Variants in GRM8 observed in about 807,000 individuals in gnomAD.
The protein encoded by GRM8 is glutamate metabotropic receptor 8, also known as metabotropic glutamate receptor 8.
Under a neutral mutation model 87.2 loss-of-function variants are expected in GRM8, and 47 were observed. The observed-to-expected ratio is 0.54, with a 90% CI of 0.43 to 0.69. GRM8 has a LOEUF of 0.69. Ranked by LOEUF, GRM8 falls within the 30% of genes least tolerant of loss-of-function variation. The pLI is 0.00. For missense variants in GRM8, 1,019 were observed against 1,139.2 expected (o/e 0.89, Z 1.52); for synonymous variants, 396 against 404.5 (o/e 0.98, Z 0.25).
chr7:126,751,940 C>T (rs1816468677), intron 7 of GRM8, among the ~76,000 whole-genome samples: 2 of 152,088 alleles, frequency 1.3e-5, no homozygotes, highest in African/African-American at 4.8e-5. Flanking sequence ...ATCACTGGTC[C>T]TTTAGGGAAT....
At chr7:127,022,418 T>A (rs926973941) in intron 3 of GRM8, among the ~76,000 whole-genome samples, 3 of 152,064 alleles carry the variant, frequency 2.0e-5, no homozygotes, top group African/African-American at 7.2e-5. Flanking sequence ...ATTATTTTTT[T>A]AAATTTAATG....
chr7:127,136,300 T>G (rs1201518274), intron 2 of GRM8, among the ~76,000 whole-genome samples: 1 of 152,116 alleles, frequency 6.6e-6, no homozygotes, highest in Non-Finnish European at 1.5e-5. Context: ...ACACTGCGAA[T>G]AGTCTAACTC....
chr7:127,163,112 T>A (rs1186718321), intron 2 of GRM8, among the ~76,000 whole-genome samples: 2 of 152,124 alleles, frequency 1.3e-5, no homozygotes, highest in Non-Finnish European at 2.9e-5. Context: ...CTTGTATTGC[T>A]ATAAAGAGAT....
chr7:126,976,618 A>G (rs906814502), intron 3 of GRM8, among the ~76,000 whole-genome samples: 2 of 152,170 alleles, frequency 1.3e-5, no homozygotes, highest in African/African-American at 4.8e-5. Flanking sequence ...AACAAAAAAA[A>G]CGAAAATACA....
chr7:126,778,078 A>C (rs1819657038), intron 6 of GRM8, among the ~76,000 whole-genome samples: 2 of 152,332 alleles, frequency 1.3e-5, no homozygotes, highest in South Asian at 4.1e-4. Context: ...GGCTCTGTCA[A>C]GGACCTGTAG....
intron 9 of GRM8, among the ~76,000 whole-genome samples, chr7:126,507,458 C>G (rs943013474): frequency 2.0e-5 from 3 of 152,062 alleles, no homozygotes; most frequent in African/African-American, 7.2e-5. Context: ...ATATTGGCTA[C>G]AAATATATCA....
At chr7:127,135,922 C>T (rs1399998144) in intron 2 of GRM8, among the ~76,000 whole-genome samples, 1 of 152,020 alleles carries the variant, frequency 6.6e-6, no homozygotes, top group Non-Finnish European at 1.5e-5. Context: ...TTGCACAATG[C>T]TCTGGATATT....
At chr7:127,178,780 A>G (rs1212147974) in intron 2 of GRM8, among the ~76,000 whole-genome samples, 2 of 152,214 alleles carry the variant, frequency 1.3e-5, no homozygotes, top group African/African-American at 4.8e-5. Context: ...TTTTCAGACA[A>G]ACAAATGCTG....
At chr7:127,077,987 T>A (rs563459901) in intron 3 of GRM8, among the ~76,000 whole-genome samples, 1 of 152,308 alleles carries the variant, frequency 6.6e-6, no homozygotes, top group African/African-American at 2.4e-5. Flanking sequence ...CATCCTGCAA[T>A]GCACAGGACA....
chr7:127,185,507 TAAA>T, intron 2 of GRM8, among the ~76,000 whole-genome samples: 1 of 152,270 alleles, frequency 6.6e-6, no homozygotes, highest in Non-Finnish European at 1.5e-5. Context: ...TGCAAAAGTA[TAAA>T]ATTTCTAGAA....
intron 7 of GRM8, among the ~76,000 whole-genome samples, chr7:126,672,112 T>C (rs1049031424): frequency 7.2e-5 from 11 of 152,188 alleles, no homozygotes; most frequent in Non-Finnish European, 5.9e-5. Flanking sequence ...ATAAAGGCCA[T>C]GTTAATATCC....
In GRM8 at chr7:127,228,104, T is replaced by G. The variant is rs527359418; in HGVS notation, c.510+14591A>C. Among the ~76,000 whole-genome samples, 40 of 152,288 alleles carry G rather than the reference T, an allele frequency of 2.6e-4. 2 individuals carry two copies. The South Asian group carries it at 8.3e-3, about 32-fold the overall frequency. ...AGAAAGGAAACCATACAGAAATAAT[T>G]TGAAAACATACCATCTAAAAGGCAG... is the stretch of plus-strand genomic sequence containing the variant. On this transcript the variant is annotated intron_variant, in intron 2 of 10. Transcript: ENST00000339582.
At chr7:126,835,979 C>T (rs1795795873) in intron 6 of GRM8, among the ~76,000 whole-genome samples, 1 of 152,162 alleles carries the variant, frequency 6.6e-6, no homozygotes, top group Non-Finnish European at 1.5e-5. Context: ...AGAGAAAAAG[C>T]TGACAATCAG....
At chr7:127,182,214 T>C (rs538916709) in intron 2 of GRM8, among the ~76,000 whole-genome samples, 1 of 151,980 alleles carries the variant, frequency 6.6e-6, no homozygotes. Context: ...CAAAAAAAGA[T>C]ATACAAATGG....
chr7:126,602,811 G>A (rs1409773836), intron 8 of GRM8, among the ~76,000 whole-genome samples: 1 of 148,264 alleles, frequency 6.7e-6, no homozygotes, highest in African/African-American at 2.5e-5. Context: ...GAGGTACAAG[G>A]AGGAACTGGT....
At chr7:126,930,287 G>A (rs1251230165) in intron 3 of GRM8, among the ~76,000 whole-genome samples, 7 of 152,156 alleles carry the variant, frequency 4.6e-5, no homozygotes, top group African/African-American at 1.7e-4. Flanking sequence ...AATAGTAGTA[G>A]TACTGACCTC....
intron 1 of GRM8, among the ~76,000 whole-genome samples, chr7:127,246,211 T>C (rs1345857267): frequency 6.6e-6 from 1 of 152,258 alleles, no homozygotes; most frequent in African/African-American, 2.4e-5. Flanking sequence ...TTAGGTTTCA[T>C]TGTATAATCT....
At chr7:126,543,067 C>G (rs936098292) in intron 8 of GRM8, among the ~76,000 whole-genome samples, 21 of 152,300 alleles carry the variant, frequency 1.4e-4, no homozygotes, top group African/African-American at 4.6e-4. Flanking sequence ...AATAAACCAG[C>G]CTACATGGAC....
chr7:126,612,915 T>C (rs1422147749), intron 7 of GRM8, among the ~76,000 whole-genome samples: 1 of 152,246 alleles, frequency 6.6e-6, no homozygotes, highest in African/African-American at 2.4e-5. Context: ...TTGTTATTAA[T>C]GTGACATTAG....
Sources: allele counts gnomAD v4.1 joint callset (sites outside exome capture counted in the v4.1 genomes callset), GRCh38; gene constraint gnomAD v4.1.1; transcripts MANE v1.5; gene names NCBI Gene and HGNC (gene_info 2026-07-23, HGNC 2026-07-21).